SLC6A9: variants seen among roughly 807,000 people sequenced by gnomAD.
The protein encoded by SLC6A9 is solute carrier family 6 member 9, also known as sodium- and chloride-dependent glycine transporter 1.
Under a neutral mutation model 70.9 loss-of-function variants are expected in SLC6A9, and 31 were observed. That is an observed-to-expected ratio of 0.44 (90% CI 0.33 to 0.59). The LOEUF is 0.59. Ranked by LOEUF, SLC6A9 falls within the 20% of genes least tolerant of loss-of-function variation. The pLI, the probability that SLC6A9 is intolerant of heterozygous loss-of-function variation, is 0.04. For synonymous variants in SLC6A9, 310 were observed against 341.3 expected (o/e 0.91, Z 1.01); for missense variants, 631 against 845.2 (o/e 0.75, Z 3.14).
rs928223976 is a variant in SLC6A9 at position 44,002,082 on chromosome 1, C to A, written c.962+231G>T. On this transcript the variant is annotated intron_variant, in intron 8 of 13. Transcript: ENST00000372310. The surrounding 1 kb of genome is among the most constrained non-coding windows in gnomAD (Gnocchi z 5.5). ...TCTGGGCATTTTTAAGGAGCCTGAG[C>A]TGCCTGAGTCCTCACAGACCCCTGG... Among the ~76,000 whole-genome samples the A allele has an allele frequency of 6.6e-6, 1 of 152,174 alleles. No homozygotes were observed. Among genetic ancestry groups the A allele is most frequent in the African/African-American group, 2.4e-5 (1 of 41,446 alleles).
rs1207920607 is a variant in SLC6A9 at position 44,010,721 on chromosome 1, G to T, written c.187+5C>A. ...GGTGGTCCCTGCCCTGTGCCCACTG[G>T]GTACCTCCCCCGTTGCGATAGCAGA... On this transcript the variant is annotated splice_donor_5th_base_variant and intron_variant, in intron 3 of 13. Coordinates refer to ENST00000372310, the MANE Select transcript of SLC6A9 (RefSeq NM_001024845.3). 1 of 1,613,974 alleles carries T rather than the reference G, an allele frequency of 6.2e-7. No homozygotes were observed. Among genetic ancestry groups the T allele is most frequent in the Admixed American group, 1.7e-5 (1 of 60,012 alleles).
At chr1:44,030,022 G>A (rs901133643) in intron 1 of SLC6A9, among the ~76,000 whole-genome samples, 2 of 152,176 alleles carry the variant, frequency 1.3e-5, no homozygotes, top group Non-Finnish European at 2.9e-5. Context: ...AGCTGTCAGC[G>A]AGCAAGCGTC....
chr1:44,009,858 G>T, intron 4 of SLC6A9, 107 bp downstream of exon 4: 1 of 1,331,062 alleles, frequency 7.5e-7, no homozygotes, highest in Non-Finnish European at 1.0e-6. Context: ...CAGCATCAGG[G>T]CTCTACAGAG....
At chr1:44,016,544 G>T (rs2086749597) in intron 2 of SLC6A9, 1 of 157,958 alleles carries the variant, frequency 6.3e-6, no homozygotes, top group Non-Finnish European at 1.4e-5. Context: ...CACTTGCCCT[G>T]GACCCTGGAA....
intron 1 of SLC6A9, among the ~76,000 whole-genome samples, chr1:44,028,420 C>T (rs1315578893): frequency 6.6e-6 from 1 of 152,142 alleles, no homozygotes; most frequent in Non-Finnish European, 1.5e-5. Context: ...GGAGAAAGGA[C>T]TGGAGGGAGG....
At position 43,997,084 on chromosome 1, in the gene SLC6A9, T is replaced by C. The variant is rs530894540; in HGVS notation, c.*461A>G. ...GGGCTGGGCAGCACAGCCTGACAAG[T>C]AACACTGGGCAGTCCCCCAGCCCTT... On this transcript the variant is annotated 3_prime_UTR_variant, in exon 14 of 14. Transcript: ENST00000372310. This position sits in a 1 kb window ranked among gnomAD's most constrained non-coding sequence, Gnocchi z 4.4. The C allele has an allele frequency of 5.7e-6, 1 of 174,148 alleles. No homozygotes were observed. The highest frequency in any genetic ancestry group is 2.4e-5 in the African/African-American group (1 of 41,658). The allele number at this position is 174,148 out of a possible 1,614,324, so 10.8% of individuals were successfully genotyped here.
At chr1:44,022,364 C>T (rs1447617379) in intron 2 of SLC6A9, among the ~76,000 whole-genome samples, 2 of 152,168 alleles carry the variant, frequency 1.3e-5, no homozygotes, top group Admixed American at 6.5e-5. Context: ...CGCTTCTTAT[C>T]ACAAGCCCAT....
At chr1:44,011,611 A>AGTT in intron 2 of SLC6A9, 1 of 1,614,004 alleles carries the variant, frequency 6.2e-7, no homozygotes, top group Non-Finnish European at 8.5e-7. Context: ...AGGAGACCAG[A>AGTT]GTTGTAGGCC....
At chr1:44,020,165 AG>A (rs2086854545) in intron 2 of SLC6A9, among the ~76,000 whole-genome samples, 1 of 152,216 alleles carries the variant, frequency 6.6e-6, no homozygotes, top group Non-Finnish European at 1.5e-5. Context: ...ACTGTGTGCC[AG>A]GCCCTGAGCC....
intron 2 of SLC6A9, chr1:44,017,155 C>T (rs564067378): frequency 8.7e-6 from 14 of 1,605,518 alleles, no homozygotes; most frequent in Middle Eastern, 1.7e-4. Context: ...CCAGCTCCAG[C>T]GCGACACTGA....
chr1:44,025,212 G>A (rs999699952), intron 1 of SLC6A9, among the ~76,000 whole-genome samples: 1 of 152,136 alleles, frequency 6.6e-6, no homozygotes, highest in African/African-American at 2.4e-5. Flanking sequence ...GAATTGAAAT[G>A]GAGGGAAATA....
intron 1 of SLC6A9, among the ~76,000 whole-genome samples, chr1:44,029,629 G>C (rs926755197): frequency 6.6e-6 from 1 of 152,108 alleles, no homozygotes; most frequent in African/African-American, 2.4e-5. Flanking sequence ...CTTGCCACAC[G>C]TAGCAATTGA....
chr1:44,023,268 G>A (rs552347576), intron 2 of SLC6A9, among the ~76,000 whole-genome samples: 3 of 152,128 alleles, frequency 2.0e-5, no homozygotes, highest in Non-Finnish European at 4.4e-5. Context: ...ATTGCCTCTG[G>A]GACAGGATTT....
chr1:44,023,610 C>T (rs1318997298), intron 2 of SLC6A9, among the ~76,000 whole-genome samples: 1 of 152,114 alleles, frequency 6.6e-6, no homozygotes, highest in East Asian at 1.9e-4. Flanking sequence ...CGCCACTGCA[C>T]TCTAGCCTGG....
chr1:44,029,442 G>A lies in SLC6A9; in HGVS notation c.-86+1864C>T, dbSNP rs1402009639. On this transcript the variant is annotated intron_variant, in intron 1 of 13. Transcript: ENST00000372310. ...CGTGAGACTACCCAGCACTTGCAGA[G>A]GGCTCCTGCTTCATGCCTTTGCCCC... 2.6e-5 allele frequency among the ~76,000 whole-genome samples: 4 copies of A among 152,286 alleles called. No homozygotes were observed. The South Asian group carries it at 6.2e-4, about 24-fold the overall frequency.
intron 2 of SLC6A9, among the ~76,000 whole-genome samples, chr1:44,022,300 A>G (rs2086898190): frequency 1.3e-5 from 2 of 152,182 alleles, no homozygotes; most frequent in Admixed American, 1.3e-4. Flanking sequence ...GGGAGGACTC[A>G]GAGGTTTCAT....
chr1:43,997,873 G>A lies in SLC6A9; in HGVS notation c.1689C>T (p.Asp563=), dbSNP rs201593344. 1.6e-5 allele frequency: 26 copies of A among 1,611,966 alleles called. No individual in the cohort carries two copies. Among genetic ancestry groups the A allele is most frequent in the East Asian group, 1.1e-4 (5 of 44,860 alleles). Residue 563 remains aspartate (D), a synonymous_variant, in exon 13 of 14, where the codon GAC becomes GAT. Coordinates refer to ENST00000372310, the MANE Select transcript of SLC6A9 (RefSeq NM_001024845.3). This position sits in a 1 kb window ranked among gnomAD's most constrained non-coding sequence, Gnocchi z 4.4. ...LYAMFRLCRT[D]GDTLLQRLKN... is the part of the protein sequence containing the mutation. ...CCCTCACCTGGAGGAGGGTGTCCCC[G>A]TCTGTGCGGCAGAGCCGGAACATGG...
rs200803437 is a variant in SLC6A9, at chr1:44,002,281, G to C, written c.962+32C>G. On this transcript the variant is annotated intron_variant, in intron 8 of 13. Transcript: ENST00000372310. The surrounding 1 kb of genome is among the most constrained non-coding windows in gnomAD (Gnocchi z 5.5). ...ATCAGGCTGCAGAGAGTGCAGGAAGGGGGCAGCCTCAGCCCAGCAGGGAGC... is the reference window on the plus strand; with the variant it reads ...ATCAGGCTGCAGAGAGTGCAGGAAGCGGGCAGCCTCAGCCCAGCAGGGAGC... 4.1e-5 allele frequency: 61 copies of C among 1,489,216 alleles called. 1 individual carries two copies. In the South Asian group the frequency reaches 5.3e-4, roughly 13 times the overall value. 92.3% of individuals were successfully genotyped at this position (1,489,216 alleles called of 1,614,324 possible).
At chr1:44,011,494 C>G (rs996885683) in intron 2 of SLC6A9, 1 of 1,385,096 alleles carries the variant, frequency 7.2e-7, no homozygotes, top group Non-Finnish European at 1.0e-6. Context: ...TTCTGGGACT[C>G]TAGGTGGGAG....
Sources: gnomAD v4.1 joint callset for allele counts (sites outside exome capture counted in the v4.1 genomes callset) on GRCh38, gnomAD v4.1.1 for gene constraint, Gnocchi (gnomAD v3.1) non-coding constraint, MANE v1.5 for transcripts, NCBI Gene and HGNC (gene_info 2026-07-23, HGNC 2026-07-21) for gene names.